The following IQCM variants were observed in gnomAD, a reference collection of about 807,000 sequenced individuals.
The protein encoded by IQCM is IQ motif containing M, also known as IQ domain-containing protein M.
IQCM carries 45 observed loss-of-function variants against 57.6 expected under a neutral mutation model. The ratio of observed to expected loss-of-function variants is 0.78; its 90% CI spans 0.62 to 1.00. IQCM has a LOEUF of 1.00. IQCM is among the 50% of genes least tolerant of loss of function. The pLI is 0.00. For missense variants in IQCM, 468 were observed against 511.6 expected, an observed-to-expected ratio of 0.91 and a Z score of 0.82; for synonymous variants, 148 against 158.9, an observed-to-expected ratio of 0.93 and a Z score of 0.51.
intron 13 of IQCM, among the ~76,000 whole-genome samples, chr4:149,431,828 G>A (rs1400837286): frequency 6.6e-6 from 1 of 151,774 alleles, no homozygotes; most frequent in African/African-American, 2.4e-5. Flanking sequence ...CTCCAAATCT[G>A]CTGAACCAAA....
chr4:149,551,693 G>A (rs1225280510), intron 11 of IQCM, among the ~76,000 whole-genome samples: 1 of 144,520 alleles, frequency 6.9e-6, no homozygotes, highest in African/African-American at 2.6e-5. Flanking sequence ...ATTCATATTA[G>A]ATTATATAAT....
chr4:149,669,283 G>A (rs921166228), intron 7 of IQCM, among the ~76,000 whole-genome samples: 2 of 152,098 alleles, frequency 1.3e-5, no homozygotes, highest in African/African-American at 2.4e-5. Context: ...GTCCTCTTTC[G>A]AGAAGTGTCT....
intron 12 of IQCM, among the ~76,000 whole-genome samples, chr4:149,463,318 G>A (rs757516998): frequency 3.2e-4 from 48 of 152,138 alleles, no homozygotes; most frequent in Non-Finnish European, 2.4e-4. Flanking sequence ...AACAGAAGCC[G>A]AATGCAATAT....
intron 12 of IQCM, among the ~76,000 whole-genome samples, chr4:149,536,748 T>C (rs1942703164): frequency 6.6e-6 from 1 of 152,082 alleles, no homozygotes; most frequent in Admixed American, 6.6e-5. Flanking sequence ...AAAAAGACTC[T>C]GGATTGCTTC....
At chr4:149,589,660 CACA>C (rs1228349605) in intron 8 of IQCM, among the ~76,000 whole-genome samples, 1 of 151,940 alleles carries the variant, frequency 6.6e-6, no homozygotes, top group Non-Finnish European at 1.5e-5. Flanking sequence ...TCTTCGGGAA[CACA>C]ACAATAACCC....
intron 12 of IQCM, among the ~76,000 whole-genome samples, chr4:149,475,460 G>A (rs911660572): frequency 1.3e-5 from 2 of 152,138 alleles, no homozygotes; most frequent in African/African-American, 4.8e-5. Context: ...AGATACATAT[G>A]TGATCCTGGT....
chr4:149,587,761 TC>T (rs1472773524), intron 9 of IQCM, among the ~76,000 whole-genome samples, 168 bp downstream of exon 9: 2 of 151,780 alleles, frequency 1.3e-5, no homozygotes, highest in Non-Finnish European at 2.9e-5. Flanking sequence ...ACTGTATTTT[TC>T]TCCTTTCCTC....
At chr4:149,673,225 C>CA (rs1248168646) in intron 7 of IQCM, among the ~76,000 whole-genome samples, 5 of 152,190 alleles carry the variant, frequency 3.3e-5, no homozygotes, top group African/African-American at 1.2e-4. Context: ...AACTCATGAG[C>CA]AAAATAACCA....
chr4:149,615,562 A>G (rs545087041), intron 8 of IQCM, among the ~76,000 whole-genome samples: 1 of 152,328 alleles, frequency 6.6e-6, no homozygotes, highest in East Asian at 1.9e-4. Flanking sequence ...TTTAAAGCAT[A>G]AAGACATATA....
chr4:149,753,204 A>T (rs1412422629), intron 2 of IQCM, among the ~76,000 whole-genome samples: 1 of 152,222 alleles, frequency 6.6e-6, no homozygotes. Flanking sequence ...CAATAAGATC[A>T]ATAAGATCAA....
chr4:149,683,178 T>C (rs1320564393), intron 6 of IQCM, among the ~76,000 whole-genome samples: 1 of 151,284 alleles, frequency 6.6e-6, no homozygotes, highest in Non-Finnish European at 1.5e-5. Context: ...ATCGCTTATT[T>C]ACCAGTGTTC....
intron 5 of IQCM, among the ~76,000 whole-genome samples, chr4:149,704,695 TTA>T (rs1422994717): frequency 1.3e-5 from 2 of 151,882 alleles, no homozygotes; most frequent in Non-Finnish European, 2.9e-5. Flanking sequence ...ATGATTAATT[TTA>T]TGTGTCAACT....
At chr4:149,388,529 T>C (rs1360843179) in intron 13 of IQCM, among the ~76,000 whole-genome samples, 7 of 129,280 alleles carry the variant, frequency 5.4e-5, no homozygotes, top group Non-Finnish European at 1.1e-4. Flanking sequence ...ATATTATATA[T>C]ATTATATATT....
At chr4:149,645,426 A>C (rs576587955) in intron 7 of IQCM, among the ~76,000 whole-genome samples, 140 of 152,304 alleles carry the variant, frequency 9.2e-4, no homozygotes, top group African/African-American at 3.1e-3. Flanking sequence ...TTGAAATTTC[A>C]TGCAGAAAAT....
intron 13 of IQCM, among the ~76,000 whole-genome samples, chr4:149,424,125 A>G (rs1734308069): frequency 6.6e-6 from 1 of 151,942 alleles, no homozygotes; most frequent in African/African-American, 2.4e-5. Context: ...AAATAAGTGG[A>G]ATGTTTCTCA....
At chr4:149,599,781 G>A (rs984001783) in intron 8 of IQCM, among the ~76,000 whole-genome samples, 1 of 152,106 alleles carries the variant, frequency 6.6e-6, no homozygotes, top group East Asian at 1.9e-4. Flanking sequence ...GCAATGAACA[G>A]CTGCTGCCAG....
chr4:149,749,636 G>A (rs147333300), intron 2 of IQCM, among the ~76,000 whole-genome samples: 202 of 152,096 alleles, frequency 1.3e-3, no homozygotes, highest in Admixed American at 3.9e-3. Flanking sequence ...TGTACACTTC[G>A]TCAATATTCA....
chr4:149,534,181 A>G (rs937568381), intron 12 of IQCM, among the ~76,000 whole-genome samples: 5 of 152,168 alleles, frequency 3.3e-5, no homozygotes, highest in African/African-American at 1.2e-4. Context: ...AAACACATAA[A>G]TAGGTTATGA....
intron 8 of IQCM, among the ~76,000 whole-genome samples, chr4:149,603,919 G>A (rs183110963): frequency 2.0e-3 from 297 of 152,004 alleles, no homozygotes; most frequent in African/African-American, 4.6e-3. Flanking sequence ...TGACATGTGC[G>A]TCCTCATCTC....
Sources: gnomAD v4.1 joint callset for allele counts (sites outside exome capture counted in the v4.1 genomes callset) on GRCh38, gnomAD v4.1.1 for gene constraint, MANE v1.5 for transcripts, NCBI Gene and HGNC (gene_info 2026-07-23, HGNC 2026-07-21) for gene names.